ABL2: variants seen among roughly 807,000 people sequenced by gnomAD.
ABL2 encodes tyrosine-protein kinase ABL2.
In ABL2, 49 loss-of-function variants were observed where a neutral mutation model predicts 107.7. The ratio of observed to expected loss-of-function variants is 0.45; its 90% CI spans 0.36 to 0.58. The LOEUF is 0.58. Ranked by LOEUF, ABL2 falls within the 20% of genes least tolerant of loss-of-function variation. ABL2 has a pLI of 0.00. For missense variants in ABL2, 1,245 were observed against 1,457.0 expected (o/e 0.85, Z 2.37); for synonymous variants, 549 against 548.6 (o/e 1.00, Z -0.01).
At chr1:179,120,140 A>C in intron 6 of ABL2, 50 bp downstream of exon 6, 1 of 1,288,162 alleles carries the variant, frequency 7.8e-7, no homozygotes, top group Middle Eastern at 1.9e-4. Flanking sequence ...CAAGGGGTTA[A>C]AGGGCAAGCA....
At chr1:179,176,627 G>A (rs1222079386) in intron 1 of ABL2, among the ~76,000 whole-genome samples, 2 of 150,686 alleles carry the variant, frequency 1.3e-5, no homozygotes, top group Non-Finnish European at 2.9e-5. Flanking sequence ...ATATTCAAGT[G>A]CTATTCAAGA....
chr1:179,148,460 T>A (rs964150069), intron 1 of ABL2, among the ~76,000 whole-genome samples: 4 of 152,230 alleles, frequency 2.6e-5, no homozygotes, highest in African/African-American at 9.6e-5. Flanking sequence ...TGATCAGTGA[T>A]CTTTGATGTC....
intron 1 of ABL2, among the ~76,000 whole-genome samples, chr1:179,155,518 T>A (rs915672543): frequency 6.6e-6 from 1 of 151,932 alleles, no homozygotes; most frequent in Non-Finnish European, 1.5e-5. Flanking sequence ...CTACCTGAGA[T>A]CAAGAGTTTG....
rs959954280 is a variant in ABL2, at chr1:179,102,001, T to C, written c.*5717A>G. 1 of 21,904 alleles carries C rather than the reference T, an allele frequency of 4.6e-5. No individual in the cohort carries two copies. Among genetic ancestry groups the C allele is most frequent in the African/African-American group, 3.7e-4 (1 of 2,728 alleles). 1.4% of individuals were successfully genotyped at this position (21,904 alleles called of 1,614,324 possible). A position where few individuals can be genotyped will look rare whatever the true frequency, so the allele number is the denominator to read the frequency against. On this transcript the variant is annotated 3_prime_UTR_variant, in exon 12 of 12. Transcript: ENST00000502732. ...CAAGCTTTGCATTAGAATTTCTTTTTTTTTTTTTTTTTTTTTTTTTTTTTT... is the reference window on the plus strand; with the variant it reads ...CAAGCTTTGCATTAGAATTTCTTTTCTTTTTTTTTTTTTTTTTTTTTTTTT...
At chr1:179,119,712 CTTCTT>C (rs1442982250) in intron 6 of ABL2, among the ~76,000 whole-genome samples, 4 of 152,032 alleles carry the variant, frequency 2.6e-5, no homozygotes, top group Admixed American at 6.6e-5. Context: ...TTTTAATTTG[CTTCTT>C]TTCAACAGTC....
At position 179,108,554 on chromosome 1, in the gene ABL2, G is replaced by T. The variant is rs201832781; in HGVS notation, c.2713C>A (p.Pro905Thr). ...GGARLGMAGV[P>T]EDGEQPGWPS... ...CAGCCCGGCTGCTCTCCATCCTCTG[G>T]AACTCCAGCCATCCCAAGTCGTGCC... is the stretch of plus-strand genomic sequence containing the variant. Residue 905 changes from proline to threonine, a missense_variant, in exon 12 of 12, where the codon CCA becomes ACA. Coordinates refer to ENST00000502732, the MANE Select transcript of ABL2 (RefSeq NM_007314.4). 4.3e-5 allele frequency: 69 copies of T among 1,613,964 alleles called. No homozygotes were observed. In the African/African-American group the frequency reaches 8.7e-4, roughly 20 times the overall value.
At chr1:179,190,056 A>T (rs1040720246) in intron 1 of ABL2, among the ~76,000 whole-genome samples, 1 of 152,010 alleles carries the variant, frequency 6.6e-6, no homozygotes, top group Admixed American at 6.6e-5. Context: ...ACCTCAGGTG[A>T]TCTGCCCACC....
intron 3 of ABL2, among the ~76,000 whole-genome samples, chr1:179,128,222 A>G (rs1353464111): frequency 6.6e-6 from 1 of 152,152 alleles, no homozygotes; most frequent in Non-Finnish European, 1.5e-5. Flanking sequence ...ACACAAGAGT[A>G]TATGTACATA....
intron 6 of ABL2, among the ~76,000 whole-genome samples, chr1:179,118,984 T>A (rs1654921570): frequency 6.6e-6 from 1 of 152,196 alleles, no homozygotes; most frequent in Admixed American, 6.5e-5. Context: ...TTCATATGCC[T>A]CTGAGTATTT....
At chr1:179,214,722 T>C (rs1268949786) in intron 1 of ABL2, among the ~76,000 whole-genome samples, 1 of 151,870 alleles carries the variant, frequency 6.6e-6, no homozygotes, top group African/African-American at 2.4e-5. Flanking sequence ...AGAAGATATT[T>C]AAATATTCTT....
intron 1 of ABL2, among the ~76,000 whole-genome samples, chr1:179,190,556 T>C (rs1358812286): frequency 6.6e-6 from 1 of 152,006 alleles, no homozygotes; most frequent in Non-Finnish European, 1.5e-5. Context: ...ATGACGTTGA[T>C]GACGTTAACT....
At chr1:179,183,882 G>A in intron 1 of ABL2, 1 of 235,500 alleles carries the variant, frequency 4.2e-6, no homozygotes, top group Non-Finnish European at 8.2e-6. Context: ...CTCAAAAGAA[G>A]AAACCAAGAC....
chr1:179,225,844 A>G (rs557415285), intron 1 of ABL2, among the ~76,000 whole-genome samples: 5 of 152,014 alleles, frequency 3.3e-5, no homozygotes, highest in Admixed American at 6.6e-5. Flanking sequence ...GATCAAGACC[A>G]TCTTGGCTAA....
At chr1:179,124,531 C>T (rs555451546) in intron 4 of ABL2, among the ~76,000 whole-genome samples, 10 of 124,296 alleles carry the variant, frequency 8.0e-5, no homozygotes, top group East Asian at 2.6e-4. Flanking sequence ...TGCAGTGGCA[C>T]GATCTTGGCT....
At chr1:179,136,667 C>A (rs1301197666) in intron 1 of ABL2, among the ~76,000 whole-genome samples, 1 of 148,068 alleles carries the variant, frequency 6.8e-6, no homozygotes, top group African/African-American at 2.5e-5. Context: ...TGTGACCCTG[C>A]CAAATCCCCC....
intron 1 of ABL2, among the ~76,000 whole-genome samples, chr1:179,135,540 A>AC (rs1170146276): frequency 5.4e-5 from 8 of 148,342 alleles, no homozygotes; most frequent in Non-Finnish European, 1.0e-4. Context: ...CCCAGCAGCC[A>AC]CCCCGTCTGG....
intron 1 of ABL2, among the ~76,000 whole-genome samples, chr1:179,153,189 C>T (rs1357382460): frequency 6.6e-6 from 1 of 151,974 alleles, no homozygotes; most frequent in Non-Finnish European, 1.5e-5. Flanking sequence ...TGGATGGTGC[C>T]GGATAACAGA....
intron 1 of ABL2, among the ~76,000 whole-genome samples, chr1:179,160,364 T>A (rs1658986513): frequency 6.6e-6 from 1 of 151,770 alleles, no homozygotes; most frequent in South Asian, 2.1e-4. Flanking sequence ...TAAAATAAAT[T>A]TTAAAATAAA....
intron 1 of ABL2, among the ~76,000 whole-genome samples, chr1:179,168,283 C>T (rs923929844): frequency 6.6e-6 from 1 of 152,144 alleles, no homozygotes; most frequent in African/African-American, 2.4e-5. Context: ...TTGCACATAA[C>T]CTATGCACAT....
Sources: gnomAD v4.1 joint callset for allele counts (sites outside exome capture counted in the v4.1 genomes callset) on GRCh38, gnomAD v4.1.1 for gene constraint, MANE v1.5 for transcripts, NCBI Gene and HGNC (gene_info 2026-07-23, HGNC 2026-07-21) for gene names.